Variants in ZFP64 observed in about 807,000 individuals in gnomAD.
ZFP64 encodes zinc finger protein 64.
ZFP64 carries 14 observed loss-of-function variants against 51.6 expected under a neutral mutation model. The ratio of observed to expected loss-of-function variants is 0.27; its 90% CI spans 0.18 to 0.42. The LOEUF (loss-of-function observed/expected upper bound fraction) is 0.42, where lower values mean the gene tolerates loss of function less well. Ranked by LOEUF, ZFP64 falls within the 10% of genes least tolerant of loss-of-function variation. The probability of loss-of-function intolerance (pLI) is 1.00; values close to 1 mark genes in which losing one functional copy is unlikely to be tolerated. For missense variants in ZFP64, 754 were observed against 906.8 expected, an observed-to-expected ratio of 0.83 and a Z score of 2.16; for synonymous variants, 375 against 361.4, an observed-to-expected ratio of 1.04 and a Z score of -0.43.
chr20:52,121,046 C>A (rs534920406), intron 5 of ZFP64, among the ~76,000 whole-genome samples: 2 of 152,258 alleles, frequency 1.3e-5, no homozygotes, highest in South Asian at 4.1e-4. Context: ...CCATGTAAGA[C>A]GGGAACTTAA....
intron 6 of ZFP64, among the ~76,000 whole-genome samples, chr20:52,097,868 A>T (rs977838155): frequency 4.0e-5 from 6 of 150,878 alleles, no homozygotes; most frequent in Admixed American, 2.0e-4. Context: ...CAGAAGTTTG[A>T]GACCAGCCTG....
At chr20:52,137,700 C>T (rs1415909366) in intron 5 of ZFP64, among the ~76,000 whole-genome samples, 2 of 152,066 alleles carry the variant, frequency 1.3e-5, no homozygotes, top group African/African-American at 4.8e-5. Context: ...TAACAAAGGC[C>T]TAGAAATAAA....
chr20:52,179,081 G>A (rs370518346), intron 2 of ZFP64, among the ~76,000 whole-genome samples: 9 of 152,158 alleles, frequency 5.9e-5, no homozygotes, highest in East Asian at 5.8e-4. Flanking sequence ...GGTGGGAGGT[G>A]ACTGAATTAT....
intron 2 of ZFP64, among the ~76,000 whole-genome samples, chr20:52,184,641 T>TTTTAC: frequency 7.4e-6 from 1 of 134,256 alleles, no homozygotes; most frequent in African/African-American, 3.0e-5. Context: ...TTTTATTTTA[T>TTTTAC]TTAAGAAACA....
In ZFP64 at chr20:52,100,277, A is replaced by G. The variant is rs368292079; in HGVS notation, c.764-1690T>C. Among the ~76,000 whole-genome samples, 17 of 146,936 alleles carry G rather than the reference A, an allele frequency of 1.2e-4. No individual in the cohort carries two copies. In the East Asian group the frequency reaches 3.0e-3, roughly 26 times the overall value. ...GTTTTTTTTTTTGAAACAGAGTCTC[A>G]CTCTGTCGCCCAGACTGGAGTGCAG... On this transcript the variant is annotated intron_variant, in intron 5 of 8. Transcript: ENST00000361387.
chr20:52,184,876 C>G (rs1209297136), intron 2 of ZFP64, among the ~76,000 whole-genome samples: 1 of 152,162 alleles, frequency 6.6e-6, no homozygotes, highest in Non-Finnish European at 1.5e-5. Context: ...GATCCTCCAG[C>G]CTTGCCCTCA....
chr20:52,134,933 G>A (rs1272308413), intron 5 of ZFP64, among the ~76,000 whole-genome samples: 2 of 152,082 alleles, frequency 1.3e-5, no homozygotes, highest in Non-Finnish European at 2.9e-5. Context: ...CACAATCTCG[G>A]CTCACTGCAA....
At chr20:52,124,181 A>G (rs1162774912) in intron 5 of ZFP64, among the ~76,000 whole-genome samples, 2 of 137,688 alleles carry the variant, frequency 1.5e-5, no homozygotes, top group African/African-American at 5.3e-5. Context: ...TGAAAGATAC[A>G]TTGTTAAATG....
intron 5 of ZFP64, among the ~76,000 whole-genome samples, chr20:52,123,168 T>C (rs1232148625): frequency 6.6e-6 from 1 of 152,056 alleles, no homozygotes; most frequent in Non-Finnish European, 1.5e-5. Flanking sequence ...TTTTTGTAAT[T>C]GTAGTAGGGA....
downstream of ZFP64, among the ~76,000 whole-genome samples, chr20:52,150,195 A>G (rs1348753022): frequency 5.5e-5 from 5 of 90,538 alleles, no homozygotes; most frequent in African/African-American, 2.8e-4. Flanking sequence ...ACAGAGTGAG[A>G]CTCCACCTCA....
At chr20:52,086,964 T>TA (rs1247578778) in intron 8 of ZFP64, among the ~76,000 whole-genome samples, 8 of 152,214 alleles carry the variant, frequency 5.3e-5, no homozygotes, top group Admixed American at 2.6e-4. Flanking sequence ...TATCTTCTAG[T>TA]AACTCCCACT....
intron 5 of ZFP64, among the ~76,000 whole-genome samples, chr20:52,126,423 T>C (rs1007575367): frequency 1.3e-5 from 2 of 152,198 alleles, no homozygotes; most frequent in Non-Finnish European, 2.9e-5. Context: ...TAGTTCTTCA[T>C]GGGCCTGTTT....
intron 4 of ZFP64, among the ~76,000 whole-genome samples, chr20:52,164,062 G>A (rs1982041808): frequency 2.0e-5 from 3 of 152,166 alleles, no homozygotes; most frequent in Admixed American, 6.5e-5. Context: ...TGTAAACCTA[G>A]CACTTTGGGA....
chr20:52,112,133 C>G (rs1162565645), intron 5 of ZFP64, among the ~76,000 whole-genome samples: 3 of 151,094 alleles, frequency 2.0e-5, no homozygotes, highest in Admixed American at 1.3e-4. Context: ...GCTCCTGGCT[C>G]TGTTCACATC....
At chr20:52,110,879 C>T (rs2122812390) in intron 5 of ZFP64, 3 of 1,610,276 alleles carry the variant, frequency 1.9e-6, no homozygotes, top group East Asian at 2.2e-5. Context: ...ACCAAGAGAT[C>T]ATCGCTGGAA....
chr20:52,151,705 A>G lies in ZFP64; in HGVS notation c.*441T>C. The G allele has an allele frequency of 2.0e-6, 2 of 996,726 alleles. No individual in the cohort carries two copies. The highest frequency in any genetic ancestry group is 2.4e-6 in the Non-Finnish European group (2 of 835,786). 61.7% of individuals were successfully genotyped at this position (996,726 alleles called of 1,614,324 possible). A position where few individuals can be genotyped will look rare whatever the true frequency, so the allele number is the denominator to read the frequency against. ...AAAAAATTATAGTAAGCAGTATAAA[A>G]TTACAATTTATTATGGGGCCAGGGG... On this transcript the variant is annotated 3_prime_UTR_variant, in exon 6 of 6. Transcript: ENST00000216923.
At chr20:52,101,940 CAAAA>C (rs1190342919) in intron 5 of ZFP64, among the ~76,000 whole-genome samples, 5 of 77,686 alleles carry the variant, frequency 6.4e-5, no homozygotes, top group East Asian at 6.6e-4. Context: ...CTAAAAATAC[CAAAA>C]AAAAAAAAAA....
intron 5 of ZFP64, among the ~76,000 whole-genome samples, chr20:52,156,254 A>G (rs1680378062): frequency 1.3e-5 from 2 of 152,044 alleles, no homozygotes; most frequent in Non-Finnish European, 2.9e-5. Flanking sequence ...GGCCTCTGCC[A>G]TGTATGTAGT....
intron 2 of ZFP64, among the ~76,000 whole-genome samples, chr20:52,167,694 C>A (rs948925373): frequency 1.3e-5 from 2 of 152,192 alleles, no homozygotes; most frequent in African/African-American, 2.4e-5. Flanking sequence ...ATTGGATGAA[C>A]CTGTCAGGCT....
Sources: allele counts gnomAD v4.1 joint callset (sites outside exome capture counted in the v4.1 genomes callset), GRCh38; gene constraint gnomAD v4.1.1; transcripts MANE v1.5; gene names NCBI Gene and HGNC (gene_info 2026-07-23, HGNC 2026-07-21).